Variants in TMEM71 observed in about 807,000 individuals in gnomAD.
The protein encoded by TMEM71 is transmembrane protein 71.
TMEM71 carries 44 observed loss-of-function variants against 38.0 expected under a neutral mutation model. The observed-to-expected ratio is 1.16, with a 90% confidence interval of 0.91 to 1.49. The LOEUF (loss-of-function observed/expected upper bound fraction) is 1.49, where lower values mean the gene tolerates loss of function less well. Ranked by LOEUF, TMEM71 falls within the 40% of genes most tolerant of loss-of-function variation. The probability of loss-of-function intolerance (pLI) is 0.00; values close to 1 mark genes in which losing one functional copy is unlikely to be tolerated. For missense variants in TMEM71, 367 were observed against 348.6 expected, an observed-to-expected ratio of 1.05 and a Z score of -0.42; for synonymous variants, 133 against 122.5, an observed-to-expected ratio of 1.09 and a Z score of -0.56.
the TMEM71 span, among the ~76,000 whole-genome samples, chr8:132,771,987 A>G: frequency 6.6e-6 from 1 of 152,240 alleles, no homozygotes; most frequent in Non-Finnish European, 1.5e-5. Flanking sequence ...TGCACATGGA[A>G]TGAAGAGATT....
chr8:132,771,766 T>A, the TMEM71 span, among the ~76,000 whole-genome samples: 1 of 152,018 alleles, frequency 6.6e-6, no homozygotes, highest in Non-Finnish European at 1.5e-5. Context: ...AGGAATACAT[T>A]AGAGAGGTGA....
At chr8:132,766,461 C>T in the TMEM71 span, among the ~76,000 whole-genome samples, 1 of 152,072 alleles carries the variant, frequency 6.6e-6, no homozygotes, top group African/African-American at 2.4e-5. Flanking sequence ...CAGCCCTCCA[C>T]ATTGGTCACA....
intron 5 of TMEM71, among the ~76,000 whole-genome samples, chr8:132,732,370 G>A (rs906974911): frequency 6.6e-6 from 1 of 152,110 alleles, no homozygotes; most frequent in African/African-American, 2.4e-5. Flanking sequence ...GTGGGGATGG[G>A]GAGAAATTAC....
At chr8:132,735,498 G>A (rs1372412926) in intron 5 of TMEM71, among the ~76,000 whole-genome samples, 1 of 152,206 alleles carries the variant, frequency 6.6e-6, no homozygotes, top group African/African-American at 2.4e-5. Context: ...TGGGGAAGAT[G>A]TGATTACTCT....
intron 5 of TMEM71, among the ~76,000 whole-genome samples, chr8:132,746,436 TATAC>T (rs1828370324): frequency 1.9e-4 from 3 of 15,900 alleles, no homozygotes; most frequent in Non-Finnish European, 5.7e-4. Flanking sequence ...TACATATATA[TATAC>T]ATATACATAT....
At chr8:132,715,143 A>G (rs1442847021) in intron 7 of TMEM71, among the ~76,000 whole-genome samples, 1 of 152,120 alleles carries the variant, frequency 6.6e-6, no homozygotes, top group Non-Finnish European at 1.5e-5. Flanking sequence ...CGCGGTGCTC[A>G]TGCCTGTAAT....
chr8:132,727,985 T>A lies in TMEM71; in HGVS notation c.489A>T (p.Ala163=). 1 of 1,607,846 alleles carries A rather than the reference T, an allele frequency of 6.2e-7. No homozygotes were observed. The highest frequency in any genetic ancestry group is 8.5e-7 in the Non-Finnish European group (1 of 1,177,752). ...TCAGAGAAGAACAGTCTAAATCATC[T>A]GCTGAAAAAGCAGAGGGGTTCAGTG... ...RLDTDHCNGN[A]DDLDCSSLTD... is the part of the protein sequence containing the mutation. The change falls in exon 6 of 10, where the codon GCA becomes GCT. Residue 163 remains alanine (A), a splice_region_variant and synonymous_variant. Coordinates refer to ENST00000677595, the MANE Select transcript of TMEM71 (RefSeq NM_001382403.1).
rs1054673730 is a variant in TMEM71, at chr8:132,715,266, C to T, written c.753-1051G>A. Among the ~76,000 whole-genome samples, 4 of 151,548 alleles carry T rather than the reference C, an allele frequency of 2.6e-5. No individual in the cohort carries two copies. In the East Asian group the frequency reaches 7.8e-4, roughly 29 times the overall value. ...CTAAAAATGCAAAAAAAAAAATAGC[C>T]GGGCGTGGTGGCGGGCGCCTGTAGT... On this transcript the variant is annotated intron_variant, in intron 7 of 9. Coordinates refer to ENST00000677595, the MANE Select transcript of TMEM71 (RefSeq NM_001382403.1).
chr8:132,740,069 A>G (rs560561781), intron 5 of TMEM71, among the ~76,000 whole-genome samples: 1 of 152,362 alleles, frequency 6.6e-6, no homozygotes, highest in African/African-American at 2.4e-5. Flanking sequence ...TCCTCAGCTC[A>G]GAATCCTCCA....
At chr8:132,714,413 T>A (rs761827219) in intron 7 of TMEM71, among the ~76,000 whole-genome samples, 198 bp from the exon 8 acceptor site, 15 of 152,194 alleles carry the variant, frequency 9.9e-5, no homozygotes, top group Non-Finnish European at 1.9e-4. Context: ...CTTATGCAGA[T>A]AGAGTAAACT....
downstream of TMEM71, among the ~76,000 whole-genome samples, chr8:132,706,345 A>G (rs1826094435): frequency 6.6e-6 from 1 of 152,114 alleles, no homozygotes; most frequent in South Asian, 2.1e-4. Flanking sequence ...TGTTTCCCCT[A>G]TTAGAGAGCA....
intron 7 of TMEM71, among the ~76,000 whole-genome samples, chr8:132,715,236 C>G (rs982349896): frequency 6.0e-5 from 9 of 149,320 alleles, no homozygotes; most frequent in Non-Finnish European, 1.3e-4. Flanking sequence ...GAAACCCTGT[C>G]TCCACTAAAA....
Position 132,724,974 on chromosome 8 carries a change from G to A in TMEM71, c.676+2824C>T, listed in dbSNP as rs139834936. 8.5e-5 allele frequency among the ~76,000 whole-genome samples: 13 copies of A among 152,172 alleles called. No individual in the cohort carries two copies. The East Asian group carries it at 2.3e-3, about 27-fold the overall frequency. ...CTGCAGAACTGGAAACTGGAAAGGT[G>A]TAGGCACAGAGCCACCAGGATCCAC... On this transcript the variant is annotated intron_variant, in intron 6 of 9. Coordinates refer to ENST00000677595, the MANE Select transcript of TMEM71 (RefSeq NM_001382403.1).
chr8:132,721,816 A>G (rs957532152), intron 7 of TMEM71, among the ~76,000 whole-genome samples: 1 of 152,116 alleles, frequency 6.6e-6, no homozygotes, highest in Non-Finnish European at 1.5e-5. Context: ...GATTACAGGC[A>G]TGAGCCACCG....
At chr8:132,772,329 C>G in the TMEM71 span, among the ~76,000 whole-genome samples, 2 of 152,190 alleles carry the variant, frequency 1.3e-5, no homozygotes, top group Non-Finnish European at 2.9e-5. Context: ...TGGTTCTGCT[C>G]AAACACAGCT....
rs749572497 is a variant in TMEM71 at position 132,727,986 on chromosome 8, G to A, written c.488C>T (p.Ala163Val). The A allele has an allele frequency of 5.2e-5, 83 of 1,605,640 alleles. No homozygotes were observed. Among genetic ancestry groups the A allele is most frequent in the Non-Finnish European group, 6.6e-5 (78 of 1,176,970 alleles). The stretch of plus-strand genomic sequence containing the variant: ...CAGAGAAGAACAGTCTAAATCATCT[G>A]CTGAAAAAGCAGAGGGGTTCAGTGT... ...RLDTDHCNGN[A>V]DDLDCSSLTD... The change falls in exon 6 of 10, where the codon GCA becomes GTA. Residue 163 changes from alanine to valine, a missense_variant and splice_region_variant. Transcript: ENST00000677595.
At chr8:132,728,079 C>T (rs550342810) in intron 5 of TMEM71, 93 bp from the exon 6 acceptor site, 1 of 931,058 alleles carries the variant, frequency 1.1e-6, no homozygotes, top group East Asian at 2.6e-5. Flanking sequence ...CAGTTAGTTC[C>T]TAATAATCAC....
chr8:132,721,913 A>G, intron 7 of TMEM71, 127 bp downstream of exon 7: 1 of 805,010 alleles, frequency 1.2e-6, no homozygotes, highest in Admixed American at 1.9e-5. Context: ...TCATGGACAG[A>G]CACATGAACG....
chr8:132,768,606 AG>A, the TMEM71 span, among the ~76,000 whole-genome samples: 1 of 152,326 alleles, frequency 6.6e-6, no homozygotes, highest in African/African-American at 2.4e-5. Flanking sequence ...GGAAAACCAA[AG>A]GGTGTTTCTC....
Sources: allele counts gnomAD v4.1 joint callset (sites outside exome capture counted in the v4.1 genomes callset), GRCh38; gene constraint gnomAD v4.1.1; transcripts MANE v1.5; gene names NCBI Gene and HGNC (gene_info 2026-07-23, HGNC 2026-07-21).